The following PRKG2 variants were observed in gnomAD, a reference collection of about 807,000 sequenced individuals.
The protein encoded by PRKG2 is cGMP-dependent protein kinase 2.
PRKG2 carries 33 observed loss-of-function variants against 97.2 expected under a neutral mutation model. The ratio of observed to expected loss-of-function variants is 0.34; its 90% CI spans 0.26 to 0.45. The LOEUF (loss-of-function observed/expected upper bound fraction) is 0.45. PRKG2 is among the 20% of genes least tolerant of loss of function. The probability of loss-of-function intolerance (pLI) is 1.00; values close to 1 mark genes in which losing one functional copy is unlikely to be tolerated. For synonymous variants in PRKG2, 330 were observed against 321.8 expected (o/e 1.03, Z -0.27); for missense variants, 638 against 900.0 (o/e 0.71, Z 3.73).
chr4:81,100,609 C>G (rs773249332), intron 17 of PRKG2, among the ~76,000 whole-genome samples: 1 of 152,158 alleles, frequency 6.6e-6, no homozygotes, highest in Non-Finnish European at 1.5e-5. Context: ...ACCATAAAAA[C>G]CCTAGAAGAA....
intron 15 of PRKG2, among the ~76,000 whole-genome samples, chr4:81,106,254 G>A (rs1423532867): frequency 6.6e-6 from 1 of 152,156 alleles, no homozygotes; most frequent in Middle Eastern, 3.2e-3. Context: ...CCTCTCATAG[G>A]CTGACAATTG....
At chr4:81,134,129 A>C (rs983490391) in intron 14 of PRKG2, among the ~76,000 whole-genome samples, 1 of 152,166 alleles carries the variant, frequency 6.6e-6, no homozygotes, top group African/African-American at 2.4e-5. Flanking sequence ...ATTTCACATG[A>C]AAGGGCTTTT....
intron 2 of PRKG2, among the ~76,000 whole-genome samples, chr4:81,185,694 T>A (rs575200203): frequency 6.6e-6 from 1 of 151,976 alleles, no homozygotes; most frequent in African/African-American, 2.4e-5. Flanking sequence ...CTGGATAGAG[T>A]CAAGACCCCT....
intron 17 of PRKG2, among the ~76,000 whole-genome samples, chr4:81,101,028 A>G (rs1048666343): frequency 5.3e-5 from 8 of 152,082 alleles, no homozygotes; most frequent in African/African-American, 1.9e-4. Context: ...ACCATCTCAC[A>G]CCAGTTAGAA....
At chr4:81,119,601 T>C (rs966250210) in intron 14 of PRKG2, among the ~76,000 whole-genome samples, 1 of 152,138 alleles carries the variant, frequency 6.6e-6, no homozygotes, top group African/African-American at 2.4e-5. Context: ...GTCTCTTGCC[T>C]CCATATATAA....
At chr4:81,091,885 T>C (rs1187393867) in intron 18 of PRKG2, among the ~76,000 whole-genome samples, 2 of 152,176 alleles carry the variant, frequency 1.3e-5, no homozygotes, top group Non-Finnish European at 2.9e-5. Context: ...TCTTCTGAAC[T>C]GAGATGTGCT....
chr4:81,198,355 G>A (rs1353891312), intron 2 of PRKG2, among the ~76,000 whole-genome samples: 1 of 152,266 alleles, frequency 6.6e-6, no homozygotes, highest in Non-Finnish European at 1.5e-5. Flanking sequence ...TGGGTGCCAG[G>A]ACTCAAACCG....
intron 6 of PRKG2, among the ~76,000 whole-genome samples, chr4:81,163,290 G>A (rs371678218): frequency 6.6e-5 from 10 of 152,210 alleles, no homozygotes; most frequent in African/African-American, 2.4e-4. Flanking sequence ...GTCAAGCCAG[G>A]GTGGTCACTG....
intron 14 of PRKG2, among the ~76,000 whole-genome samples, chr4:81,126,716 AT>A (rs1745615333): frequency 6.6e-6 from 1 of 150,790 alleles, no homozygotes; most frequent in African/African-American, 2.4e-5. Flanking sequence ...CCACTTTTTG[AT>A]GGTTTTTTTT....
In PRKG2 at chr4:81,134,364, G is replaced by C. The variant is rs912004783; in HGVS notation, c.1776+791C>G. Among the ~76,000 whole-genome samples the C allele has an allele frequency of 1.4e-4, 22 of 152,228 alleles. 1 individual carries two copies. Among genetic ancestry groups the C allele is most frequent in the African/African-American group, 4.8e-4 (20 of 41,540 alleles). On this transcript the variant is annotated intron_variant, in intron 14 of 18. Transcript: ENST00000264399. ...TTTTATTTCCTTTTATAAAAATTCT[G>C]AAGTGAGAAACTTTTAATATCTTTG...
intron 6 of PRKG2, chr4:81,164,863 G>A (rs1446087248): frequency 6.6e-6 from 1 of 152,150 alleles, no homozygotes; most frequent in Non-Finnish European, 1.5e-5. Context: ...GTGACTAACA[G>A]GTGACTTTAT....
chr4:81,156,995 C>T (rs1360301699), intron 6 of PRKG2, among the ~76,000 whole-genome samples: 1 of 152,106 alleles, frequency 6.6e-6, no homozygotes, highest in Non-Finnish European at 1.5e-5. Flanking sequence ...CCAAAATTGA[C>T]ACCCTAACAT....
At chr4:81,187,777 C>T (rs1578494747) in intron 2 of PRKG2, among the ~76,000 whole-genome samples, 1 of 152,144 alleles carries the variant, frequency 6.6e-6, no homozygotes, top group East Asian at 1.9e-4. Flanking sequence ...TCTCAGGATC[C>T]TAAATCAATG....
At chr4:81,143,315 C>T (rs528557243) in intron 10 of PRKG2, among the ~76,000 whole-genome samples, 1 of 151,988 alleles carries the variant, frequency 6.6e-6, no homozygotes, top group East Asian at 1.9e-4. Context: ...AAAAAACAAC[C>T]ATGAAAAGCA....
chr4:81,148,083 T>C (rs892600112), intron 9 of PRKG2, among the ~76,000 whole-genome samples: 7 of 152,304 alleles, frequency 4.6e-5, no homozygotes, highest in Admixed American at 1.3e-4. Flanking sequence ...TTTCCAGCTC[T>C]ATATCTCTAG....
At chr4:81,126,286 A>G (rs965753095) in intron 14 of PRKG2, among the ~76,000 whole-genome samples, 24 of 152,290 alleles carry the variant, frequency 1.6e-4, no homozygotes, top group Non-Finnish European at 2.2e-4. Flanking sequence ...ACTGATGGGC[A>G]TTTGAATTGG....
At chr4:81,096,738 G>A (rs1208026115) in intron 17 of PRKG2, among the ~76,000 whole-genome samples, 2 of 152,072 alleles carry the variant, frequency 1.3e-5, no homozygotes, top group African/African-American at 4.8e-5. Flanking sequence ...ATCTGTTCAA[G>A]TTTCATCATT....
chr4:81,111,188 CA>C (rs1027066150), intron 14 of PRKG2, among the ~76,000 whole-genome samples: 1 of 152,136 alleles, frequency 6.6e-6, no homozygotes, highest in Non-Finnish European at 1.5e-5. Flanking sequence ...CAGTCGAAAG[CA>C]AAGTCAGGGT....
chr4:81,214,384 C>T (rs1754166794), intron 1 of PRKG2, among the ~76,000 whole-genome samples: 1 of 151,940 alleles, frequency 6.6e-6, no homozygotes, highest in South Asian at 2.1e-4. Context: ...CCCAAAGTGG[C>T]TGGTTTCTGG....
Sources: allele counts gnomAD v4.1 joint callset (sites outside exome capture counted in the v4.1 genomes callset), GRCh38; gene constraint gnomAD v4.1.1; transcripts MANE v1.5; gene names NCBI Gene and HGNC (gene_info 2026-07-23, HGNC 2026-07-21).